The following SLC12A3 variants were observed in gnomAD, a reference collection of about 807,000 sequenced individuals.
SLC12A3 encodes the protein solute carrier family 12 member 3, also known as Na-Cl cotransporter.
In SLC12A3, 104 loss-of-function variants were observed where a neutral mutation model predicts 121.0. The ratio of observed to expected loss-of-function variants is 0.86; its 90% confidence interval spans 0.73 to 1.01. The LOEUF (loss-of-function observed/expected upper bound fraction) is 1.01. Among genes scored for constraint, SLC12A3 ranks in the 50% least tolerant of loss-of-function variants. The probability of loss-of-function intolerance (pLI) is 0.00; values close to 1 mark genes in which losing one functional copy is unlikely to be tolerated. For missense variants in SLC12A3, 1,328 were observed against 1,356.3 expected (o/e 0.98, Z 0.33); for synonymous variants, 536 against 533.4 (o/e 1.00, Z -0.07).
chr16:56,901,604 T>G (rs1043640220), intron 23 of SLC12A3, among the ~76,000 whole-genome samples: 54 of 152,298 alleles, frequency 3.5e-4, no homozygotes, highest in Middle Eastern at 3.4e-3. Context: ...CCTCCCAAAG[T>G]GCTGGGATTA....
intron 25 of SLC12A3, among the ~76,000 whole-genome samples, chr16:56,910,728 G>A (rs1305284762): frequency 6.6e-6 from 1 of 152,240 alleles, no homozygotes; most frequent in Non-Finnish European, 1.5e-5. Context: ...CCAGGGTCTT[G>A]CAGACAGGAA....
chr16:56,871,187 G>A (rs2055091977), intron 6 of SLC12A3, among the ~76,000 whole-genome samples: 2 of 152,174 alleles, frequency 1.3e-5, no homozygotes, highest in South Asian at 4.1e-4. Context: ...GGGTGGGCAT[G>A]GTGGCTCAGG....
At chr16:56,868,595 C>T (rs976857190) in intron 3 of SLC12A3, among the ~76,000 whole-genome samples, 3 of 152,232 alleles carry the variant, frequency 2.0e-5, no homozygotes, top group Non-Finnish European at 2.9e-5. Context: ...GTCAGCAGGC[C>T]TAAGGGCTAT....
At position 56,904,187 on chromosome 16, in the gene SLC12A3, C is replaced by A. The variant is rs1369508254; in HGVS notation, c.2857-208C>A. ...TCAGGCAAGGAAAAGCCACAGAATG[C>A]TTCTTGGAGGAGGTGAGCTTGGTGC... On this transcript the variant is annotated intron_variant, in intron 24 of 25. Coordinates refer to ENST00000563236, the MANE Select transcript of SLC12A3 (RefSeq NM_001126108.2). 1.6e-5 allele frequency: 9 copies of A among 550,488 alleles called. No homozygotes were observed. In the African/African-American group the frequency reaches 1.7e-4, roughly 10 times the overall value. The allele number at this position is 550,488 out of a possible 1,614,324, so 34.1% of individuals were successfully genotyped here. A position where few individuals can be genotyped will look rare whatever the true frequency, so the allele number is the denominator to read the frequency against.
chr16:56,889,697 A>C (rs1326981241), intron 18 of SLC12A3, among the ~76,000 whole-genome samples: 1 of 151,948 alleles, frequency 6.6e-6, no homozygotes, highest in African/African-American at 2.4e-5. Context: ...CTGGTCTCGA[A>C]CTCCTGACCT....
Position 56,904,478 on chromosome 16 carries a change from C to A in SLC12A3, c.2924+16C>A. The A allele has an allele frequency of 6.2e-7, 1 of 1,611,842 alleles. No homozygotes were observed. Among genetic ancestry groups the A allele is most frequent in the Non-Finnish European group, 8.5e-7 (1 of 1,178,196 alleles). ...TCATCGTCATGTAAGTAGTGCCCGGCTGGTGGGAGGACCAGTCTGTCCAGA... is the reference window on the plus strand; with the variant it reads ...TCATCGTCATGTAAGTAGTGCCCGGATGGTGGGAGGACCAGTCTGTCCAGA... On this transcript the variant is annotated intron_variant, in intron 25 of 25. Coordinates refer to ENST00000563236, the MANE Select transcript of SLC12A3 (RefSeq NM_001126108.2).
At chr16:56,902,999 A>T (rs1427328490) in intron 24 of SLC12A3, among the ~76,000 whole-genome samples, 1 of 152,068 alleles carries the variant, frequency 6.6e-6, no homozygotes, top group African/African-American at 2.4e-5. Context: ...TACAAAAAAA[A>T]TTAGCTGGGC....
At chr16:56,901,347 C>CTCTTTTTTTTTTTTTTT (rs1555502273) in intron 23 of SLC12A3, among the ~76,000 whole-genome samples, 1 of 128,902 alleles carries the variant, frequency 7.8e-6, no homozygotes, top group African/African-American at 3.3e-5. Flanking sequence ...CTCTCTCTCT[C>CTCTTTTTTTTTTTTTTT]TTTTTTTTTT....
intron 12 of SLC12A3, among the ~76,000 whole-genome samples, chr16:56,882,191 T>G (rs1270067138): frequency 6.6e-6 from 1 of 152,096 alleles, no homozygotes; most frequent in African/African-American, 2.4e-5. Context: ...GCGCTTACAG[T>G]TTACAAGACA....
chr16:56,879,917 C>A (rs1176102046), intron 11 of SLC12A3, among the ~76,000 whole-genome samples: 1 of 152,184 alleles, frequency 6.6e-6, no homozygotes, highest in Non-Finnish European at 1.5e-5. Context: ...CTACCCGAAG[C>A]CATCCATCCC....
At position 56,894,539 on chromosome 16, in the gene SLC12A3, C is replaced by T. The variant is rs766549952; in HGVS notation, c.2530C>T (p.Leu844Phe). The T allele has an allele frequency of 1.9e-6, 3 of 1,613,218 alleles. No individual in the cohort carries two copies. The highest frequency in any genetic ancestry group is 3.3e-5 in the Admixed American group (2 of 59,942). Residue 844 changes from leucine to phenylalanine, a missense_variant, in exon 22 of 26, where the codon CTC becomes TTC. Coordinates refer to ENST00000563236, the MANE Select transcript of SLC12A3 (RefSeq NM_001126108.2). ...GGGACTCTCCTTGCCAGGCCTCACC[C>T]TCCTCATTCCCTATCTCCTTGGCCG... ...YWLFDDGGLTLLIPYLLGRKR... is the reference protein window; with the variant it reads ...YWLFDDGGLTFLIPYLLGRKR...
At position 56,873,146 on chromosome 16, in the gene SLC12A3, G is replaced by A. The variant is rs150435516; in HGVS notation, c.1095+360G>A. Among the ~76,000 whole-genome samples the A allele has an allele frequency of 2.8e-3, 422 of 152,206 alleles. 2 individuals carry two copies. Among genetic ancestry groups the A allele is most frequent in the African/African-American group, 9.8e-3 (405 of 41,524 alleles). ...TCCTCCCAGGGCTCCCCACTGCCTT[G>A]CTGCAGGCAGGCTTCTTGGCTTGGC... is the stretch of plus-strand genomic sequence containing the variant. On this transcript the variant is annotated intron_variant, in intron 8 of 25. Coordinates refer to ENST00000563236, the MANE Select transcript of SLC12A3 (RefSeq NM_001126108.2).
At chr16:56,877,252 C>T (rs968808805) in intron 8 of SLC12A3, among the ~76,000 whole-genome samples, 1 of 151,830 alleles carries the variant, frequency 6.6e-6, no homozygotes, top group African/African-American at 2.4e-5. Flanking sequence ...ATTAGGGCGC[C>T]TATAGTGGTG....
intron 24 of SLC12A3, 47 bp from the exon 25 acceptor site, chr16:56,904,348 T>G (rs1192972553): frequency 5.8e-6 from 9 of 1,561,590 alleles, no homozygotes; most frequent in Non-Finnish European, 7.9e-6. Context: ...AAGGATTGAG[T>G]GACCTCGATG....
At position 56,865,474 on chromosome 16, in the gene SLC12A3, G is replaced by A. The variant is rs1390421804; in HGVS notation, c.239G>A (p.Arg80Gln). The A allele has an allele frequency of 8.1e-6, 13 of 1,613,724 alleles. No homozygotes were observed. Among genetic ancestry groups the A allele is most frequent in the African/African-American group, 2.7e-5 (2 of 74,938 alleles). The part of the protein sequence containing the change: ...YANSTQPGEP[R>Q]KVRPTLADLH... ...AACAGCACCCAGCCTGGTGAGCCCC[G>A]GAAGGTCCGGCCCACACTGGCTGAC... Residue 80 changes from arginine to glutamine, a missense_variant, in exon 1 of 26, where the codon CGG becomes CAG. Arg to Gln is a conservative substitution (Grantham distance 43). Coordinates refer to ENST00000563236, the MANE Select transcript of SLC12A3 (RefSeq NM_001126108.2).
At chr16:56,870,602 G>A (rs1172209618) in intron 5 of SLC12A3, 24 bp from the exon 6 acceptor site, 3 of 1,482,286 alleles carry the variant, frequency 2.0e-6, no homozygotes, top group African/African-American at 2.8e-5. Flanking sequence ...GTGGCTTGCA[G>A]CCTGGCCCAT....
In SLC12A3 at chr16:56,865,308, C is replaced by T. The variant is rs1191088141; in HGVS notation, c.73C>T (p.Leu25=). Residue 25 remains leucine, a synonymous_variant, in exon 1 of 26, where the codon CTG becomes TTG. Coordinates refer to ENST00000563236, the MANE Select transcript of SLC12A3 (RefSeq NM_001126108.2). ...LCSGRFTIST[L]LSSDEPSPPA... ...CAGCGGGCGCTTCACCATCAGCACA[C>T]TGCTGAGCAGTGATGAGCCCTCTCC... 6.2e-7 allele frequency: 1 copy of T among 1,613,914 alleles called. No homozygotes were observed. The highest frequency in any genetic ancestry group is 8.5e-7 in the Non-Finnish European group (1 of 1,180,036).
At chr16:56,902,673 C>T (rs2055555193) in intron 24 of SLC12A3, among the ~76,000 whole-genome samples, 165 bp downstream of exon 24, 2 of 152,138 alleles carry the variant, frequency 1.3e-5, no homozygotes, top group Admixed American at 6.5e-5. Flanking sequence ...TGATGGGTAA[C>T]CCGGCTGTGG....
intron 25 of SLC12A3, among the ~76,000 whole-genome samples, chr16:56,912,374 T>C (rs1596963442): frequency 6.6e-6 from 1 of 152,356 alleles, no homozygotes; most frequent in Admixed American, 6.5e-5. Context: ...GGGCATCTTT[T>C]TATTCACGCA....
Sources: allele counts gnomAD v4.1 joint callset (sites outside exome capture counted in the v4.1 genomes callset), GRCh38; gene constraint gnomAD v4.1.1; transcripts MANE v1.5; gene names NCBI Gene and HGNC (gene_info 2026-07-23, HGNC 2026-07-21).